Variants in CEP112 observed in about 807,000 individuals in gnomAD.
CEP112 encodes the protein centrosomal protein of 112 kDa.
In CEP112, 127 loss-of-function variants were observed where a neutral mutation model predicts 153.0. The observed-to-expected ratio is 0.83, with a 90% CI of 0.72 to 0.96. The LOEUF (loss-of-function observed/expected upper bound fraction) is 0.96, where lower values mean the gene tolerates loss of function less well. CEP112 is among the 40% of genes least tolerant of loss of function. CEP112 has a pLI of 0.00. For missense variants in CEP112, 1,089 were observed against 1,101.2 expected (o/e 0.99, Z 0.16); for synonymous variants, 358 against 374.4 (o/e 0.96, Z 0.51).
chr17:65,919,909 G>C (rs2060639108), intron 19 of CEP112, among the ~76,000 whole-genome samples: 1 of 152,092 alleles, frequency 6.6e-6, no homozygotes, highest in Non-Finnish European at 1.5e-5. Flanking sequence ...CATTTAGAGT[G>C]GGGGTCAAGG....
At position 66,005,775 on chromosome 17, in the gene CEP112, A is replaced by G. The variant is rs2064248996; in HGVS notation, c.1657-6T>C. ...TCACTCTGCAAGTCATGAGCCTGCC[A>G]TGACAAGAACATGGAAAATTTATTG... On this transcript the variant is annotated splice_polypyrimidine_tract_variant and splice_region_variant and intron_variant, in intron 16 of 26. Transcript: ENST00000535342. 1 of 1,595,260 alleles carries G rather than the reference A, an allele frequency of 6.3e-7. No individual in the cohort carries two copies. The highest frequency in any genetic ancestry group is 1.4e-5 in the African/African-American group (1 of 73,802).
intron 4 of CEP112, among the ~76,000 whole-genome samples, chr17:66,159,422 C>G (rs976048793): frequency 1.3e-5 from 2 of 152,124 alleles, no homozygotes; most frequent in Non-Finnish European, 2.9e-5. Context: ...GACCAATATC[C>G]CTGATGAACA....
intron 20 of CEP112, among the ~76,000 whole-genome samples, chr17:65,875,933 T>C (rs1046548452): frequency 6.6e-6 from 1 of 152,196 alleles, no homozygotes; most frequent in African/African-American, 2.4e-5. Context: ...CCAGATAATA[T>C]GTTACATAAC....
rs745538777 is a variant in CEP112 at position 66,175,164 on chromosome 17, T to G, written c.350A>C (p.Glu117Ala). ...ACCCAGTACCCAGGCTGGTAATCCC[T>G]CTGGGCTTGAACCTTTTGCTCGTGC... ...NPARAKGSSP[E>A]GLPAWVLGEL... Residue 117 changes from glutamate (E) to alanine (A), a missense_variant, in exon 4 of 27, where the codon GAG becomes GCG. Transcript: ENST00000535342. The G allele has an allele frequency of 1.2e-6, 2 of 1,612,642 alleles. No homozygotes were observed. The highest frequency in any genetic ancestry group is 3.3e-5 in the Admixed American group (2 of 59,718).
At chr17:65,761,028 T>C (rs117632216) in intron 21 of CEP112, among the ~76,000 whole-genome samples, 6 of 152,252 alleles carry the variant, frequency 3.9e-5, no homozygotes, top group East Asian at 3.9e-4. Flanking sequence ...TCTATAAGCA[T>C]ATAATTGATC....
intron 21 of CEP112, among the ~76,000 whole-genome samples, chr17:65,770,423 A>G (rs1160393930): frequency 3.9e-5 from 6 of 152,052 alleles, no homozygotes; most frequent in African/African-American, 7.2e-5. Context: ...TGAAAAGCAC[A>G]CATATTCAAA....
chr17:65,874,483 A>G (rs1009749577), intron 20 of CEP112, among the ~76,000 whole-genome samples: 2 of 152,158 alleles, frequency 1.3e-5, no homozygotes, highest in South Asian at 2.1e-4. Context: ...TACAAAAGAA[A>G]TCCAAAGTAA....
intron 8 of CEP112, among the ~76,000 whole-genome samples, chr17:66,071,826 T>C (rs1202705766): frequency 1.3e-5 from 2 of 152,124 alleles, no homozygotes; most frequent in Non-Finnish European, 2.9e-5. Context: ...TCACATAGCA[T>C]CTGAAATACG....
chr17:66,015,505 A>C (rs1598113372), intron 16 of CEP112, among the ~76,000 whole-genome samples: 1 of 152,196 alleles, frequency 6.6e-6, no homozygotes, highest in Non-Finnish European at 1.5e-5. Context: ...TTGCACATTC[A>C]AAAATGTCAT....
chr17:65,661,930 A>G (rs907290547), intron 24 of CEP112: 4 of 147,454 alleles, frequency 2.7e-5, no homozygotes, highest in Admixed American at 1.4e-4. Flanking sequence ...ATGAATATAT[A>G]TATGTGTGTG....
chr17:66,149,970 T>C (rs143779813), intron 4 of CEP112, among the ~76,000 whole-genome samples: 4,726 of 135,150 alleles, frequency 0.035, 118 homozygotes, highest in South Asian at 0.064. Context: ...CTCAGCTCAC[T>C]GCAACCTCTG....
chr17:65,657,828 C>T (rs919147998), intron 24 of CEP112, among the ~76,000 whole-genome samples: 52 of 152,106 alleles, frequency 3.4e-4, no homozygotes, highest in African/African-American at 1.2e-3. Context: ...ACAATTTATA[C>T]ATAGAAGTAA....
At chr17:65,741,093 T>G (rs1035989354) in intron 23 of CEP112, among the ~76,000 whole-genome samples, 1 of 152,152 alleles carries the variant, frequency 6.6e-6, no homozygotes, top group African/African-American at 2.4e-5. Context: ...GCTAGTTATT[T>G]AACCTCATAG....
intron 6 of CEP112, among the ~76,000 whole-genome samples, chr17:66,129,117 T>C (rs1229949253): frequency 6.6e-6 from 1 of 152,154 alleles, no homozygotes; most frequent in Non-Finnish European, 1.5e-5. Flanking sequence ...GGGCTCAATG[T>C]TGCCTAAAAT....
At chr17:65,659,015 CAAAAAAAA>C (rs777326885) in intron 24 of CEP112, among the ~76,000 whole-genome samples, 8 of 55,598 alleles carry the variant, frequency 1.4e-4, no homozygotes, top group Middle Eastern at 0.032. Context: ...GACTCTGTCT[CAAAAAAAA>C]AAAAAAAAAA....
intron 12 of CEP112, among the ~76,000 whole-genome samples, chr17:66,049,567 T>C (rs955529485): frequency 6.6e-6 from 1 of 152,110 alleles, no homozygotes; most frequent in Non-Finnish European, 1.5e-5. Context: ...CTGGCCAACA[T>C]GGCAAAACTC....
At chr17:66,048,541 A>C (rs2066309918) in intron 12 of CEP112, among the ~76,000 whole-genome samples, 1 of 152,242 alleles carries the variant, frequency 6.6e-6, no homozygotes, top group South Asian at 2.1e-4. Context: ...TTTTCATAGA[A>C]TATATAGGCG....
chr17:65,985,273 T>A (rs2063365768), intron 17 of CEP112, among the ~76,000 whole-genome samples: 1 of 152,074 alleles, frequency 6.6e-6, no homozygotes, highest in South Asian at 2.1e-4. Context: ...GAAGATGCAA[T>A]AATTGTAAGA....
chr17:65,894,315 G>C (rs1220717250), intron 20 of CEP112, among the ~76,000 whole-genome samples: 1 of 152,002 alleles, frequency 6.6e-6, no homozygotes, highest in Non-Finnish European at 1.5e-5. Flanking sequence ...ATAGCTCTAG[G>C]ATGAAGCTAA....
Sources: gnomAD v4.1 joint callset for allele counts (sites outside exome capture counted in the v4.1 genomes callset) on GRCh38, gnomAD v4.1.1 for gene constraint, MANE v1.5 for transcripts, NCBI Gene and HGNC (gene_info 2026-07-23, HGNC 2026-07-21) for gene names.